The following KIF13A variants were observed in gnomAD, a reference collection of about 807,000 sequenced individuals.
KIF13A encodes the protein kinesin family member 13A.
KIF13A carries 79 observed loss-of-function variants against 212.2 expected under a neutral mutation model. The ratio of observed to expected loss-of-function variants is 0.37; its 90% CI spans 0.31 to 0.45. The LOEUF is 0.45. Ranked by LOEUF, KIF13A falls within the 20% of genes least tolerant of loss-of-function variation. The pLI, the probability that KIF13A is intolerant of heterozygous loss-of-function variation, is 1.00. For missense variants in KIF13A, 1,901 were observed against 2,209.0 expected (o/e 0.86, Z 2.79); for synonymous variants, 789 against 808.6 (o/e 0.98, Z 0.41).
Position 17,953,391 on chromosome 6 carries a change from T to C in KIF13A, c.146+33663A>G, listed in dbSNP as rs1447771055. 2.6e-5 allele frequency among the ~76,000 whole-genome samples: 4 copies of C among 152,234 alleles called. No individual in the cohort carries two copies. The East Asian group carries it at 7.7e-4, about 29-fold the overall frequency. The stretch of plus-strand genomic sequence containing the variant: ...GTAAAAGGGAAGAAAGGAGATTTTT[T>C]ATTATTTCTCCTCTCTTAACCAGGA... On this transcript the variant is annotated intron_variant, in intron 2 of 38. Transcript: ENST00000259711.
At chr6:17,858,567 G>A (rs1041331717) in intron 4 of KIF13A, among the ~76,000 whole-genome samples, 5 of 152,038 alleles carry the variant, frequency 3.3e-5, no homozygotes, top group Non-Finnish European at 7.4e-5. Flanking sequence ...CTTATTCCAC[G>A]TATGTTCCCA....
At chr6:17,824,742 C>G (rs1293279645) in intron 16 of KIF13A, among the ~76,000 whole-genome samples, 1 of 118,190 alleles carries the variant, frequency 8.5e-6, no homozygotes, top group Non-Finnish European at 1.6e-5. Context: ...GCCTGGGCGA[C>G]AGAGAGAGAC....
In KIF13A at chr6:17,828,036, T is replaced by C. The variant is rs995112380; in HGVS notation, c.1532+204A>G. On this transcript the variant is annotated intron_variant, in intron 14 of 38. Transcript: ENST00000259711. The surrounding 1 kb of genome is among the most constrained non-coding windows in gnomAD (Gnocchi z 4.3). ...TACAGGGTTCTAAAGCTCAGAGTTA[T>C]GGATTAAGTGGAACTAGAACTCGCA... Among the ~76,000 whole-genome samples the C allele has an allele frequency of 6.6e-6, 1 of 152,216 alleles. No individual in the cohort carries two copies. The highest frequency in any genetic ancestry group is 6.5e-5 in the Admixed American group (1 of 15,280).
intron 4 of KIF13A, among the ~76,000 whole-genome samples, chr6:17,861,205 A>G (rs1030455848): frequency 1.3e-5 from 2 of 152,102 alleles, no homozygotes; most frequent in South Asian, 4.1e-4. Context: ...TTCTGAAAAA[A>G]TTTTTCATTC....
rs1324520978 is a variant in KIF13A, at chr6:17,799,478, A to C, written c.2617-39T>G. 3 of 1,423,620 alleles carry C rather than the reference A, an allele frequency of 2.1e-6. No homozygotes were observed. In the African/African-American group the frequency reaches 4.3e-5, roughly 20 times the overall value. The allele number at this position is 1,423,620 out of a possible 1,614,324, so 88.2% of individuals were successfully genotyped here. ...CAATACAAATAAAACTCCAATGAAC[A>C]CTAAACATTCTTTCATTTCAGCTAC... is the stretch of plus-strand genomic sequence containing the variant. On this transcript the variant is annotated intron_variant, in intron 21 of 38. Transcript: ENST00000259711. This position sits in a 1 kb window ranked among gnomAD's most constrained non-coding sequence, Gnocchi z 4.4.
At chr6:17,779,257 A>ATTTTTT (rs3076205) in intron 32 of KIF13A, among the ~76,000 whole-genome samples, 158 bp from the exon 33 acceptor site, 3 of 37,842 alleles carry the variant, frequency 7.9e-5, no homozygotes, top group African/African-American at 1.2e-4. Context: ...ATATATATAT[A>ATTTTTT]TTTTTTTTTT....
intron 2 of KIF13A, among the ~76,000 whole-genome samples, chr6:17,908,914 C>T (rs1773775702): frequency 6.6e-6 from 1 of 152,122 alleles, no homozygotes; most frequent in African/African-American, 2.4e-5. Context: ...GTCAAACAAT[C>T]CTAGCTCTGC....
intron 2 of KIF13A, among the ~76,000 whole-genome samples, chr6:17,938,124 G>A (rs190491921): frequency 1.2e-4 from 18 of 151,696 alleles, no homozygotes; most frequent in Admixed American, 7.9e-4. Context: ...TGAACTCCTG[G>A]CCTCAAGTGA....
chr6:17,870,612 C>T (rs1769914292), intron 4 of KIF13A, among the ~76,000 whole-genome samples: 1 of 152,124 alleles, frequency 6.6e-6, no homozygotes, highest in Non-Finnish European at 1.5e-5. Flanking sequence ...CACCTCACTC[C>T]AATAGCCCCT....
At chr6:17,922,969 A>G (rs1247434015) in intron 2 of KIF13A, among the ~76,000 whole-genome samples, 1 of 151,786 alleles carries the variant, frequency 6.6e-6, no homozygotes, top group Non-Finnish European at 1.5e-5. Flanking sequence ...TATATATTCC[A>G]CAATTTTAAG....
At chr6:17,974,156 A>T (rs1780062409) in intron 2 of KIF13A, among the ~76,000 whole-genome samples, 1 of 152,124 alleles carries the variant, frequency 6.6e-6, no homozygotes, top group Non-Finnish European at 1.5e-5. Context: ...ATCTCAGCTC[A>T]CTGCAACCTC....
intron 3 of KIF13A, among the ~76,000 whole-genome samples, chr6:17,884,654 G>C (rs906892419): frequency 6.6e-6 from 1 of 152,176 alleles, no homozygotes; most frequent in African/African-American, 2.4e-5. Context: ...AAAATCAAAA[G>C]GGCTTCCCTT....
At chr6:17,970,958 T>C (rs1481005144) in intron 2 of KIF13A, among the ~76,000 whole-genome samples, 1 of 152,194 alleles carries the variant, frequency 6.6e-6, no homozygotes, top group Non-Finnish European at 1.5e-5. Flanking sequence ...AGAGACAAAG[T>C]AATTTACAAC....
intron 17 of KIF13A, 69 bp from the exon 18 acceptor site, chr6:17,808,999 T>C (rs1408411675): frequency 1.4e-6 from 2 of 1,381,430 alleles, no homozygotes; most frequent in Admixed American, 2.8e-5. Flanking sequence ...TAAGTGAGCA[T>C]CTTATTAGAA....
intron 2 of KIF13A, among the ~76,000 whole-genome samples, chr6:17,966,463 T>C (rs1159258382): frequency 8.0e-6 from 1 of 124,242 alleles, no homozygotes; most frequent in South Asian, 2.6e-4. Flanking sequence ...TTTTTTTTTT[T>C]GACAGTGAGC....
rs554031790 is a variant in KIF13A at position 17,949,857 on chromosome 6, G to A, written c.146+37197C>T. ...TAAGAGGTCTTCTAAACAGAGTTAA[G>A]AGATAACAAATGCACTATTGGTGGT... is the stretch of plus-strand genomic sequence containing the variant. On this transcript the variant is annotated intron_variant, in intron 2 of 38. Transcript: ENST00000259711. Among the ~76,000 whole-genome samples, 9 of 152,164 alleles carry A rather than the reference G, an allele frequency of 5.9e-5. No individual in the cohort carries two copies. The East Asian group carries it at 7.7e-4, about 13-fold the overall frequency.
chr6:17,843,667 T>G lies in KIF13A; in HGVS notation c.830+5710A>C, dbSNP rs1225330672. ...GTGCTGTACCAGCCTCTGGACTTCC[T>G]GTTAAATGAGAAAAATTAACTCACG... is the stretch of plus-strand genomic sequence containing the variant. On this transcript the variant is annotated intron_variant, in intron 9 of 38. Transcript: ENST00000259711. This position sits in a 1 kb window ranked among gnomAD's most constrained non-coding sequence, Gnocchi z 5.3. Among the ~76,000 whole-genome samples, 2 of 152,236 alleles carry G rather than the reference T, an allele frequency of 1.3e-5. No homozygotes were observed. Among genetic ancestry groups the G allele is most frequent in the Non-Finnish European group, 2.9e-5 (2 of 68,040 alleles).
chr6:17,781,279 C>T lies in KIF13A; in HGVS notation c.3567G>A (p.Glu1189=). 2.5e-6 allele frequency: 4 copies of T among 1,611,872 alleles called. No homozygotes were observed. The South Asian group carries it at 4.4e-5, about 18-fold the overall frequency. ...DLNADDLSAN[E]QLVGPHASGV... Reference sequence around the variant, plus strand: ...CGGATGCATGGGGGCCAACAAGCTGCTCATTGGCACTGAGGTCATCCGCTA... The same window carrying T: ...CGGATGCATGGGGGCCAACAAGCTGTTCATTGGCACTGAGGTCATCCGCTA... Residue 1189 remains glutamate, a synonymous_variant, in exon 30 of 39, where the codon GAG becomes GAA. Transcript: ENST00000259711.
In KIF13A at chr6:17,982,465, AATAC is replaced by A; in HGVS notation, c.146+4585_146+4588del. On this transcript the variant is annotated intron_variant, in intron 2 of 38. Transcript: ENST00000259711. This position sits in a 1 kb window ranked among gnomAD's most constrained non-coding sequence, Gnocchi z 5.1. ...GATACCGCTGGTGAATAAACTAAAA[AATAC>A]ATACAAAGTTTAGTAAGAGGAAGCT... The A allele has an allele frequency of 2.0e-6, 2 of 980,792 alleles. No homozygotes were observed. Among genetic ancestry groups the A allele is most frequent in the Non-Finnish European group, 2.4e-6 (2 of 825,718 alleles). 60.8% of individuals were successfully genotyped at this position (980,792 alleles called of 1,614,324 possible).
Sources: gnomAD v4.1 joint callset for allele counts (sites outside exome capture counted in the v4.1 genomes callset) on GRCh38, gnomAD v4.1.1 for gene constraint, Gnocchi (gnomAD v3.1) non-coding constraint, MANE v1.5 for transcripts, NCBI Gene and HGNC (gene_info 2026-07-23, HGNC 2026-07-21) for gene names.